PARD3: variants seen among roughly 807,000 people sequenced by gnomAD.
PARD3 encodes the protein partitioning defective 3 homolog.
A neutral mutation model predicts 155.4 loss-of-function variants in PARD3; 75 were observed. That is an observed-to-expected ratio of 0.48 (90% confidence interval 0.40 to 0.58). The LOEUF is 0.58. Ranked by LOEUF, PARD3 falls within the 20% of genes least tolerant of loss-of-function variation. The pLI, the probability that PARD3 is intolerant of heterozygous loss-of-function variation, is 0.00. For missense variants in PARD3, 1,642 were observed against 1,721.7 expected (o/e 0.95, Z 0.82); for synonymous variants, 576 against 610.5 (o/e 0.94, Z 0.83).
intron 2 of PARD3, among the ~76,000 whole-genome samples, chr10:34,643,382 C>G (rs191100021): frequency 6.6e-6 from 1 of 152,362 alleles, no homozygotes; most frequent in Admixed American, 6.5e-5. Flanking sequence ...AGCACATGAA[C>G]AGAACCAGCT....
At chr10:34,670,708 A>G (rs910112781) in intron 2 of PARD3, among the ~76,000 whole-genome samples, 2 of 152,212 alleles carry the variant, frequency 1.3e-5, no homozygotes, top group African/African-American at 4.8e-5. Context: ...ACTAAATGAC[A>G]AAGTCAAATC....
At chr10:34,736,164 TG>T (rs1407026064) in intron 1 of PARD3, among the ~76,000 whole-genome samples, 1 of 151,938 alleles carries the variant, frequency 6.6e-6, no homozygotes, top group Non-Finnish European at 1.5e-5. Context: ...CCCGAGTAGC[TG>T]GGACTACAGG....
intron 22 of PARD3, among the ~76,000 whole-genome samples, chr10:34,138,703 T>C (rs779356459): frequency 6.6e-6 from 1 of 152,198 alleles, no homozygotes; most frequent in Non-Finnish European, 1.5e-5. Flanking sequence ...AGGTACATGG[T>C]AAAGATTTTT....
At chr10:34,507,791 G>A (rs1429629831) in intron 3 of PARD3, among the ~76,000 whole-genome samples, 1 of 152,106 alleles carries the variant, frequency 6.6e-6, no homozygotes, top group South Asian at 2.1e-4. Context: ...TAATCAGATT[G>A]CATCTACAAC....
At chr10:34,145,183 G>GTA (rs1564429397) in intron 22 of PARD3, among the ~76,000 whole-genome samples, 31 of 80,260 alleles carry the variant, frequency 3.9e-4, no homozygotes, top group African/African-American at 1.5e-3. Flanking sequence ...CATTGTGTGT[G>GTA]TGTGTGTATA....
At chr10:34,801,335 G>A (rs1358709317) in intron 1 of PARD3, among the ~76,000 whole-genome samples, 2 of 152,198 alleles carry the variant, frequency 1.3e-5, no homozygotes, top group East Asian at 3.8e-4. Context: ...TTCAATCACT[G>A]CTTAGCGACT....
chr10:34,154,720 T>C (rs999539802), intron 22 of PARD3, among the ~76,000 whole-genome samples: 6 of 152,180 alleles, frequency 3.9e-5, no homozygotes, highest in African/African-American at 1.4e-4. Context: ...TTTATTTCTT[T>C]GCATCCATCC....
intron 2 of PARD3, among the ~76,000 whole-genome samples, chr10:34,691,730 G>A (rs1189346727): frequency 6.6e-6 from 1 of 152,154 alleles, no homozygotes; most frequent in East Asian, 1.9e-4. Context: ...CATGGTACTG[G>A]TACAAAAATG....
chr10:34,433,995 A>G (rs1047058412), intron 5 of PARD3, among the ~76,000 whole-genome samples: 5 of 152,352 alleles, frequency 3.3e-5, no homozygotes, highest in African/African-American at 1.2e-4. Context: ...TGAAATTTGG[A>G]AAGTGCAAGG....
At chr10:34,271,781 C>T (rs1221725186) in intron 21 of PARD3, among the ~76,000 whole-genome samples, 1 of 152,078 alleles carries the variant, frequency 6.6e-6, no homozygotes, top group Non-Finnish European at 1.5e-5. Context: ...TGATGATCTA[C>T]AAAGAAAATT....
intron 23 of PARD3, among the ~76,000 whole-genome samples, chr10:34,129,726 G>C (rs577731776): frequency 9.3e-6 from 1 of 107,294 alleles, no homozygotes; most frequent in East Asian, 2.2e-4. Flanking sequence ...TTTGAGCCAG[G>C]GTCTCACTGC....
At chr10:34,379,291 A>C (rs1483083940) in intron 9 of PARD3, among the ~76,000 whole-genome samples, 1 of 152,028 alleles carries the variant, frequency 6.6e-6, no homozygotes, top group Non-Finnish European at 1.5e-5. Context: ...TAAAGAAAAC[A>C]CTCCATAGTT....
intron 2 of PARD3, among the ~76,000 whole-genome samples, chr10:34,667,194 G>A (rs527899964): frequency 5.1e-4 from 78 of 152,248 alleles, no homozygotes; most frequent in Middle Eastern, 3.4e-3. Context: ...CATAAGTTGA[G>A]AAATAGGTTA....
intron 1 of PARD3, among the ~76,000 whole-genome samples, chr10:34,778,312 T>C (rs1012706421): frequency 1.3e-5 from 2 of 152,160 alleles, no homozygotes; most frequent in Admixed American, 6.5e-5. Flanking sequence ...TCTAAATCCC[T>C]CGGGCCAAGG....
chr10:34,289,348 C>A (rs967020655), intron 20 of PARD3, among the ~76,000 whole-genome samples: 4 of 152,190 alleles, frequency 2.6e-5, no homozygotes, highest in African/African-American at 9.6e-5. Context: ...CGCCACCACA[C>A]CTGGCTAATT....
intron 7 of PARD3, among the ~76,000 whole-genome samples, chr10:34,394,883 C>G (rs1016623122): frequency 2.6e-5 from 4 of 151,344 alleles, no homozygotes; most frequent in Non-Finnish European, 5.9e-5. Context: ...TAAGCAGTAC[C>G]TATGGTCCTG....
At chr10:34,338,745 G>A (rs1447913937) in intron 16 of PARD3, among the ~76,000 whole-genome samples, 3 of 152,188 alleles carry the variant, frequency 2.0e-5, no homozygotes, top group African/African-American at 7.2e-5. Context: ...AAGATAGCAG[G>A]CAAAAGCCCT....
At chr10:34,377,426 T>C (rs895303463) in intron 10 of PARD3, among the ~76,000 whole-genome samples, 3 of 151,590 alleles carry the variant, frequency 2.0e-5, no homozygotes, top group Non-Finnish European at 2.9e-5. Flanking sequence ...CCTGTCTCTA[T>C]GAAAAATACA....
chr10:34,181,626 C>G (rs1950272774), intron 22 of PARD3, among the ~76,000 whole-genome samples: 1 of 152,098 alleles, frequency 6.6e-6, no homozygotes, highest in South Asian at 2.1e-4. Context: ...TTAATATTTA[C>G]AAATTTCCTC....
Sources: gnomAD v4.1 joint callset for allele counts (sites outside exome capture counted in the v4.1 genomes callset) on GRCh38, gnomAD v4.1.1 for gene constraint, MANE v1.5 for transcripts, NCBI Gene and HGNC (gene_info 2026-07-23, HGNC 2026-07-21) for gene names.